Variants in SCN10A observed in about 807,000 individuals in gnomAD.
SCN10A encodes the protein sodium voltage-gated channel alpha subunit 10.
A neutral mutation model predicts 170.7 loss-of-function variants in SCN10A; 162 were observed. The ratio of observed to expected loss-of-function variants is 0.95; its 90% CI spans 0.84 to 1.08. The LOEUF is 1.08. Among genes scored for constraint, SCN10A ranks in the 50% least tolerant of loss-of-function variants. The pLI is 0.00. For missense variants in SCN10A, 2,527 were observed against 2,436.9 expected (o/e 1.04, Z -0.78); for synonymous variants, 985 against 904.6 (o/e 1.09, Z -1.59).
chr3:38,814,228 G>A (rs2126067606), intron 1 of SCN10A, among the ~76,000 whole-genome samples: 1 of 152,306 alleles, frequency 6.6e-6, no homozygotes, highest in Middle Eastern at 3.4e-3. Context: ...GAGCCTGGTG[G>A]ATGCAAACTG....
intron 22 of SCN10A, among the ~76,000 whole-genome samples, chr3:38,713,240 A>C (rs1440056708): frequency 1.3e-5 from 2 of 152,250 alleles, no homozygotes. Flanking sequence ...GGACCTGATG[A>C]TTGCATTAAG....
In SCN10A at chr3:38,698,196, G is replaced by A. The variant is rs564943632; in HGVS notation, c.5024C>T (p.Pro1675Leu). Residue 1675 changes from proline to leucine, a missense_variant, in exon 28 of 28, where the codon CCC becomes CTC. Transcript: ENST00000449082. ...GLLSPILNTG[P>L]PYCDPNLPNS... ...GGGCAGATTGGGGTCACAGTAGGGG[G>A]GCCCTGTGTTGAGGATGGGGCTGAG... is the stretch of plus-strand genomic sequence containing the variant. 38 of 1,614,146 alleles carry A rather than the reference G, an allele frequency of 2.4e-5. No individual in the cohort carries two copies. In the East Asian group the frequency reaches 7.8e-4, roughly 33 times the overall value.
At chr3:38,708,389 A>G (rs950590541) in intron 25 of SCN10A, among the ~76,000 whole-genome samples, 1 of 152,100 alleles carries the variant, frequency 6.6e-6, no homozygotes, top group Non-Finnish European at 1.5e-5. Context: ...CAGTTTTCTC[A>G]TCTGTAAAAT....
chr3:38,756,292 T>C (rs920065423), intron 10 of SCN10A, among the ~76,000 whole-genome samples: 3 of 149,090 alleles, frequency 2.0e-5, no homozygotes, highest in Non-Finnish European at 4.4e-5. Context: ...GGGATAGGTA[T>C]GGGGAGGGTA....
intron 3 of SCN10A, among the ~76,000 whole-genome samples, chr3:38,789,844 G>A (rs2064257521): frequency 6.6e-6 from 1 of 152,126 alleles, no homozygotes; most frequent in Non-Finnish European, 1.5e-5. Context: ...AGAATCTAAA[G>A]GTAAATTGTT....
At chr3:38,770,079 G>A (rs575828647) in intron 5 of SCN10A, among the ~76,000 whole-genome samples, 52 of 152,328 alleles carry the variant, frequency 3.4e-4, no homozygotes, top group African/African-American at 1.2e-3. Flanking sequence ...GACTCAGGAC[G>A]TCTGGTTAGC....
intron 26 of SCN10A, among the ~76,000 whole-genome samples, chr3:38,702,843 T>A (rs1305475362): frequency 6.6e-6 from 1 of 152,216 alleles, no homozygotes; most frequent in African/African-American, 2.4e-5. Context: ...ATCATTTATA[T>A]CTGGTTATTT....
Position 38,698,450 on chromosome 3 carries a change from G to C in SCN10A, c.4770C>G (p.Ala1590=). ...CAAAGAGCAGTGTGCGGATCCCCTT[G>C]GCCGCTCGGATCAGTCTGAGGATGC... ...IGRILRLIRA[A]KGIRTLLFAL... is the part of the protein sequence containing the mutation. Residue 1590 remains alanine (A), a synonymous_variant, in exon 28 of 28, where the codon GCC becomes GCG. Transcript: ENST00000449082. 6.2e-7 allele frequency: 1 copy of C among 1,614,202 alleles called. No homozygotes were observed. The highest frequency in any genetic ancestry group is 8.5e-7 in the Non-Finnish European group (1 of 1,180,028).
At position 38,736,359 on chromosome 3, in the gene SCN10A, C is replaced by CACTGTGTGTGTG. The variant is rs1224815377; in HGVS notation, c.2280+3155_2280+3156insCACACACACAGT. Among the ~76,000 whole-genome samples the CACTGTGTGTGTG allele has an allele frequency of 3.9e-3, 354 of 91,510 alleles. 1 individual carries two copies. The highest frequency in any genetic ancestry group is 9.2e-3 in the African/African-American group (253 of 27,536). 60.0% of individuals were successfully genotyped at this position (91,510 alleles called of 152,430 possible). A position where few individuals can be genotyped will look rare whatever the true frequency, so the allele number is the denominator to read the frequency against. On this transcript the variant is annotated intron_variant, in intron 15 of 27. Coordinates refer to ENST00000449082, the MANE Select transcript of SCN10A (RefSeq NM_006514.4). Reference sequence around the variant, plus strand: ...ACATAAGATGTTGGTAATAGGGAAACTCTGTGTGTGTGTGTGTGTGTGTGT... The same window carrying CACTGTGTGTGTG: ...ACATAAGATGTTGGTAATAGGGAAACACTGTGTGTGTGTCTGTGTGTGTGTGTGTGTGTGTGT...
chr3:38,807,821 T>C (rs2064415200), intron 1 of SCN10A, among the ~76,000 whole-genome samples: 1 of 152,106 alleles, frequency 6.6e-6, no homozygotes, highest in African/African-American at 2.4e-5. Context: ...GCTCACATCA[T>C]AAACATGTAG....
chr3:38,698,158 TG>T lies in SCN10A; in HGVS notation c.5061del (p.Thr1688ProfsTer10). The T allele has an allele frequency of 6.2e-7, 1 of 1,614,110 alleles. No individual in the cohort carries two copies. Among genetic ancestry groups the T allele is most frequent in the Non-Finnish European group, 8.5e-7 (1 of 1,180,002 alleles). On this transcript the variant is annotated frameshift_variant, in exon 28 of 28. Transcript: ENST00000449082. LOFTEE classifies it high-confidence loss of function. ...GCTGGGCTCCCACAGTCCCCTCTGG[TG>T]CCATTGCTGTTGGGCAGATTGGGGT... The part of the protein sequence containing the change: ...YCDPNLPNSN[G>X]TRGDCGSPAV...
At chr3:38,700,945 G>A (rs2063149854) in intron 27 of SCN10A, among the ~76,000 whole-genome samples, 1 of 152,226 alleles carries the variant, frequency 6.6e-6, no homozygotes, top group Non-Finnish European at 1.5e-5. Flanking sequence ...TCTCTTGGCT[G>A]TTGGTGACAG....
intron 5 of SCN10A, among the ~76,000 whole-genome samples, chr3:38,770,219 A>G (rs2063982714): frequency 6.6e-6 from 1 of 152,194 alleles, no homozygotes; most frequent in Non-Finnish European, 1.5e-5. Context: ...TCAAGAGAGC[A>G]CTAGTGCATT....
At chr3:38,771,617 G>T (rs922188117) in intron 4 of SCN10A, among the ~76,000 whole-genome samples, 2 of 152,338 alleles carry the variant, frequency 1.3e-5, no homozygotes, top group South Asian at 2.1e-4. Context: ...TAGATGGAGT[G>T]GGGAGGGATG....
At chr3:38,756,896 A>G (rs761599494) in intron 9 of SCN10A, 25 bp from the exon 10 acceptor site, 1 of 1,613,094 alleles carries the variant, frequency 6.2e-7, no homozygotes, top group Non-Finnish European at 8.5e-7. Context: ...GAAAGAAGAG[A>G]AACCTGTACC....
In SCN10A at chr3:38,723,410, G is replaced by A. The variant is rs2063415944; in HGVS notation, c.3352+20C>T. The stretch of plus-strand genomic sequence containing the variant: ...CCCTAATTAACATCAGTGTGAGGGG[G>A]CCTGTGGCTGTCCCTTCACCTTCTG... On this transcript the variant is annotated intron_variant, in intron 19 of 27. Coordinates refer to ENST00000449082, the MANE Select transcript of SCN10A (RefSeq NM_006514.4). 2 of 1,613,662 alleles carry A rather than the reference G, an allele frequency of 1.2e-6. No homozygotes were observed. Among genetic ancestry groups the A allele is most frequent in the Non-Finnish European group, 1.7e-6 (2 of 1,179,546 alleles).
intron 11 of SCN10A, among the ~76,000 whole-genome samples, chr3:38,754,699 G>A (rs1373238267): frequency 2.0e-5 from 3 of 152,238 alleles, no homozygotes; most frequent in Non-Finnish European, 4.4e-5. Context: ...AAATGCTGAA[G>A]TGTGGATGTG....
intron 4 of SCN10A, among the ~76,000 whole-genome samples, chr3:38,778,761 A>G (rs575274775): frequency 2.2e-4 from 34 of 152,208 alleles, no homozygotes; most frequent in African/African-American, 8.2e-4. Flanking sequence ...TCAGCAACAT[A>G]GGAAACAACT....
Position 38,697,936 on chromosome 3 carries a change from A to G in SCN10A, c.5284T>C (p.Ser1762Pro), listed in dbSNP as rs766168053. The G allele has an allele frequency of 1.2e-6, 2 of 1,613,972 alleles. No homozygotes were observed. The highest frequency in any genetic ancestry group is 1.3e-5 in the African/African-American group (1 of 74,902). ...GTGTCTGCAAAGTCCGAGAGAGCAG[A>G]AAAGGTAATAAACTGAGTGGCCTCT... ...DPEATQFITFSALSDFADTLS... is the reference protein window; with the variant it reads ...DPEATQFITFPALSDFADTLS... The change falls in exon 28 of 28, where the codon TCT (serine) becomes CCT (proline). Residue 1762 changes from serine to proline, a missense_variant. Coordinates refer to ENST00000449082, the MANE Select transcript of SCN10A (RefSeq NM_006514.4).
Sources: allele counts gnomAD v4.1 joint callset (sites outside exome capture counted in the v4.1 genomes callset), GRCh38; gene constraint gnomAD v4.1.1; transcripts MANE v1.5; gene names NCBI Gene and HGNC (gene_info 2026-07-23, HGNC 2026-07-21).